Variants in BTAF1 observed in about 807,000 individuals in gnomAD.
The protein encoded by BTAF1 is B-TFIID TATA-box binding protein associated factor 1.
Under a neutral mutation model 227.1 loss-of-function variants are expected in BTAF1, and 38 were observed. The observed-to-expected ratio is 0.17, with a 90% CI of 0.13 to 0.22. The LOEUF (loss-of-function observed/expected upper bound fraction) is 0.22, where lower values mean the gene tolerates loss of function less well. BTAF1 is among the 10% of genes least tolerant of loss of function. The pLI is 1.00. For synonymous variants in BTAF1, 742 were observed against 751.9 expected (o/e 0.99, Z 0.21); for missense variants, 1,598 against 2,204.0 (o/e 0.73, Z 5.51).
chr10:91,944,504 G>T (rs537742392), intron 4 of BTAF1, among the ~76,000 whole-genome samples: 1 of 152,274 alleles, frequency 6.6e-6, no homozygotes, highest in Admixed American at 6.5e-5. Context: ...TGGATGCCTA[G>T]TGTTTTTCCC....
At chr10:91,959,695 T>C (rs1846352695) in intron 9 of BTAF1, 90 bp from the exon 10 acceptor site, 1 of 591,648 alleles carries the variant, frequency 1.7e-6, no homozygotes. Flanking sequence ...GATCTTTGTT[T>C]TTAAAAAAAT....
chr10:91,948,798 A>C (rs891939139), intron 4 of BTAF1, among the ~76,000 whole-genome samples: 12 of 149,342 alleles, frequency 8.0e-5, no homozygotes, highest in African/African-American at 3.0e-4. Context: ...TTTTGTCCAG[A>C]TGGGATTTTG....
intron 14 of BTAF1, among the ~76,000 whole-genome samples, chr10:91,976,244 G>T (rs1381963370): frequency 6.6e-6 from 1 of 152,190 alleles, no homozygotes; most frequent in East Asian, 1.9e-4. Flanking sequence ...GATGAGGTAC[G>T]TGGAGCTTCC....
intron 4 of BTAF1, among the ~76,000 whole-genome samples, chr10:91,948,136 C>T (rs1012642826): frequency 1.3e-5 from 2 of 151,988 alleles, no homozygotes; most frequent in African/African-American, 4.8e-5. Flanking sequence ...TTAAGTATTT[C>T]TCCTAATGCT....
intron 14 of BTAF1, among the ~76,000 whole-genome samples, chr10:91,967,899 T>C (rs1212787198): frequency 6.6e-6 from 1 of 152,198 alleles, no homozygotes; most frequent in Non-Finnish European, 1.5e-5. Context: ...AATAGCAGTT[T>C]TAGATTTACA....
chr10:92,011,906 C>T (rs1211465026), intron 30 of BTAF1, among the ~76,000 whole-genome samples: 2 of 151,872 alleles, frequency 1.3e-5, no homozygotes, highest in East Asian at 3.9e-4. Flanking sequence ...ATCTTGTCCT[C>T]CAGAAGAATT....
At chr10:91,940,523 T>A (rs774275250) in intron 3 of BTAF1, among the ~76,000 whole-genome samples, 3 of 152,102 alleles carry the variant, frequency 2.0e-5, no homozygotes, top group Non-Finnish European at 2.9e-5. Context: ...TGGGAAAAAA[T>A]GTGTTCTGAT....
Position 91,984,064 on chromosome 10 carries a change from T to C in BTAF1, c.2224-137T>C, listed in dbSNP as rs1342533528. On this transcript the variant is annotated intron_variant, in intron 18 of 37. Coordinates refer to ENST00000265990, the MANE Select transcript of BTAF1 (RefSeq NM_003972.3). Reference sequence around the variant, plus strand: ...ATACCTTTTTTTCTGTGCAATTAACTGTTGTTTGGAGAAGTAACAGAATAT... The same window carrying C: ...ATACCTTTTTTTCTGTGCAATTAACCGTTGTTTGGAGAAGTAACAGAATAT... The C allele has an allele frequency of 6.8e-6, 5 of 739,556 alleles. 1 individual carries two copies. In the South Asian group the frequency reaches 1.0e-4, roughly 15 times the overall value. The allele number at this position is 739,556 out of a possible 1,614,324, so 45.8% of individuals were successfully genotyped here.
intron 34 of BTAF1, among the ~76,000 whole-genome samples, chr10:92,024,521 T>TA (rs1260358527): frequency 6.6e-6 from 1 of 151,740 alleles, no homozygotes; most frequent in African/African-American, 2.4e-5. Flanking sequence ...CTTGAGTCTA[T>TA]AAAAAAAATT....
intron 14 of BTAF1, among the ~76,000 whole-genome samples, chr10:91,975,294 T>C (rs548669071): frequency 4.2e-4 from 64 of 152,312 alleles, no homozygotes; most frequent in African/African-American, 1.4e-3. Context: ...AAGCATAATT[T>C]CGAATGTTAG....
intron 25 of BTAF1, 35 bp from the exon 26 acceptor site, chr10:92,008,088 C>T (rs550666060): frequency 2.3e-5 from 35 of 1,527,642 alleles, no homozygotes; most frequent in South Asian, 8.9e-5. Context: ...ACTGTGAGTA[C>T]GTAGTTTTTA....
At chr10:91,961,380 A>T (rs1323892596) in intron 11 of BTAF1, among the ~76,000 whole-genome samples, 3 of 152,098 alleles carry the variant, frequency 2.0e-5, no homozygotes, top group Non-Finnish European at 4.4e-5. Flanking sequence ...CTCACTGTAT[A>T]ACAGATTGGA....
At chr10:92,014,669 A>G (rs1850582496) in intron 32 of BTAF1, among the ~76,000 whole-genome samples, 1 of 152,210 alleles carries the variant, frequency 6.6e-6, no homozygotes, top group South Asian at 2.1e-4. Context: ...GGTATTATTA[A>G]TCCCCATTTT....
At chr10:91,940,724 A>C (rs1372516122) in intron 3 of BTAF1, among the ~76,000 whole-genome samples, 1 of 151,730 alleles carries the variant, frequency 6.6e-6, no homozygotes, top group African/African-American at 2.4e-5. Flanking sequence ...TCACTGTGTC[A>C]CCCAGGCTGG....
intron 25 of BTAF1, among the ~76,000 whole-genome samples, chr10:92,006,925 A>G (rs1849932975): frequency 6.6e-6 from 1 of 152,224 alleles, no homozygotes; most frequent in African/African-American, 2.4e-5. Context: ...TTATTTTAAG[A>G]ATATGAAACA....
At chr10:92,006,122 AC>A (rs1259335353) in intron 25 of BTAF1, among the ~76,000 whole-genome samples, 17 of 151,596 alleles carry the variant, frequency 1.1e-4, no homozygotes, top group East Asian at 1.9e-4. Context: ...CCTCCACCAC[AC>A]CCGGCCAGTA....
At chr10:91,972,935 A>G (rs987785332) in intron 14 of BTAF1, among the ~76,000 whole-genome samples, 1 of 152,218 alleles carries the variant, frequency 6.6e-6, no homozygotes, top group African/African-American at 2.4e-5. Context: ...TATACACTGT[A>G]TACAATTCAT....
intron 1 of BTAF1, among the ~76,000 whole-genome samples, chr10:91,930,604 C>T (rs942484584): frequency 6.6e-6 from 1 of 152,090 alleles, no homozygotes; most frequent in Non-Finnish European, 1.5e-5. Context: ...ACAACATGAC[C>T]TAGAAAGTAT....
rs1026286021 is a variant in BTAF1, at chr10:91,974,245, CT to C, written c.1651-6208del. On this transcript the variant is annotated intron_variant, in intron 14 of 37. Transcript: ENST00000265990. ...ATGCTTCTGTTTCCTTGAAATTATC[CT>C]GGTTATCTTTAGTAATTTTTTGGTT... Among the ~76,000 whole-genome samples the C allele has an allele frequency of 1.1e-4, 17 of 152,236 alleles. No homozygotes were observed. In the South Asian group the frequency reaches 2.1e-3, roughly 19 times the overall value.
Sources: gnomAD v4.1 joint callset for allele counts (sites outside exome capture counted in the v4.1 genomes callset) on GRCh38, gnomAD v4.1.1 for gene constraint, MANE v1.5 for transcripts, NCBI Gene and HGNC (gene_info 2026-07-23, HGNC 2026-07-21) for gene names.